Variants in GRID2 observed in about 807,000 individuals in gnomAD.
GRID2 encodes the protein glutamate receptor ionotropic, delta-2.
In GRID2, 33 loss-of-function variants were observed where a neutral mutation model predicts 114.8. That is an observed-to-expected ratio of 0.29 (90% CI 0.22 to 0.38). The LOEUF is 0.38. GRID2 is among the 10% of genes least tolerant of loss of function. The pLI, the probability that GRID2 is intolerant of heterozygous loss-of-function variation, is 1.00. For synonymous variants in GRID2, 505 were observed against 449.9 expected (o/e 1.12, Z -1.55); for missense variants, 1,184 against 1,257.7 (o/e 0.94, Z 0.89).
intron 13 of GRID2, among the ~76,000 whole-genome samples, chr4:93,517,977 ACATG>A (rs1373342697): frequency 5.1e-5 from 2 of 39,208 alleles, no homozygotes; most frequent in African/African-American, 2.8e-4. Context: ...ACATACATGT[ACATG>A]TATGTATATA....
At chr4:93,011,562 C>T (rs145519002) in intron 2 of GRID2, among the ~76,000 whole-genome samples, 1 of 152,094 alleles carries the variant, frequency 6.6e-6, no homozygotes, top group South Asian at 2.1e-4. Flanking sequence ...TATGAAAATA[C>T]TTACCATTTC....
chr4:92,648,252 T>A (rs919483390), intron 2 of GRID2, among the ~76,000 whole-genome samples: 1 of 149,834 alleles, frequency 6.7e-6, no homozygotes, highest in Non-Finnish European at 1.5e-5. Context: ...TTTGAATACA[T>A]TTAAATAAAT....
intron 3 of GRID2, among the ~76,000 whole-genome samples, chr4:93,086,656 C>T (rs1274872424): frequency 6.6e-6 from 1 of 151,964 alleles, no homozygotes; most frequent in South Asian, 2.1e-4. Context: ...GCTTAATTCA[C>T]GTTATTAAGG....
intron 1 of GRID2, among the ~76,000 whole-genome samples, chr4:92,578,716 T>TTATC (rs1196910296): frequency 1.8e-5 from 2 of 111,080 alleles, no homozygotes; most frequent in Non-Finnish European, 3.8e-5. Flanking sequence ...AAAAATATCA[T>TTATC]TATCTATCTA....
chr4:93,065,907 C>G (rs1342715166), intron 2 of GRID2, among the ~76,000 whole-genome samples: 1 of 151,862 alleles, frequency 6.6e-6, no homozygotes, highest in Non-Finnish European at 1.5e-5. Context: ...AAAACAATGG[C>G]TAACATTTAC....
At chr4:92,562,000 G>A (rs553017918) in intron 1 of GRID2, among the ~76,000 whole-genome samples, 4 of 152,216 alleles carry the variant, frequency 2.6e-5, no homozygotes, top group South Asian at 4.1e-4. Flanking sequence ...CTCTTTAATA[G>A]GCAAACTCAC....
At chr4:93,185,553 T>C (rs1740321351) in intron 4 of GRID2, among the ~76,000 whole-genome samples, 1 of 152,128 alleles carries the variant, frequency 6.6e-6, no homozygotes, top group South Asian at 2.1e-4. Context: ...AATATAAACA[T>C]GAAGTATGGT....
intron 2 of GRID2, among the ~76,000 whole-genome samples, chr4:93,006,599 A>T (rs1721554623): frequency 2.0e-5 from 3 of 151,976 alleles, no homozygotes; most frequent in African/African-American, 7.2e-5. Flanking sequence ...CCTACTGAAA[A>T]AAAAAAGAGA....
intron 8 of GRID2, among the ~76,000 whole-genome samples, chr4:93,292,028 G>A (rs1019270168): frequency 1.3e-5 from 2 of 152,168 alleles, no homozygotes; most frequent in African/African-American, 2.4e-5. Flanking sequence ...ATGGGGCCAA[G>A]AGAGCACCAT....
At chr4:93,236,735 CT>C (rs1407285944) in intron 7 of GRID2, among the ~76,000 whole-genome samples, 3 of 152,006 alleles carry the variant, frequency 2.0e-5, no homozygotes, top group African/African-American at 7.2e-5. Context: ...TAACTTTTTT[CT>C]CTTCAAGTAC....
rs532655133 is a variant in GRID2 at position 92,485,669 on chromosome 4, G to A, written c.89-104462G>A. Among the ~76,000 whole-genome samples, 416 of 151,762 alleles carry A rather than the reference G, an allele frequency of 2.7e-3. 2 individuals are homozygous for A. The highest frequency in any genetic ancestry group is 9.6e-3 in the African/African-American group (398 of 41,404). ...TGCACCACTGCACTCCAGCCTGGGC[G>A]ACAGAATGAGACTCTGCCTCAAAAA... On this transcript the variant is annotated intron_variant, in intron 1 of 15. Coordinates refer to ENST00000282020, the MANE Select transcript of GRID2 (RefSeq NM_001510.4).
intron 2 of GRID2, among the ~76,000 whole-genome samples, chr4:92,982,936 C>T (rs1480766184): frequency 2.0e-5 from 3 of 151,914 alleles, no homozygotes; most frequent in Non-Finnish European, 4.4e-5. Flanking sequence ...TTCTGAAGAC[C>T]TCCAAGTAGA....
intron 2 of GRID2, among the ~76,000 whole-genome samples, chr4:93,041,236 C>G (rs1228809824): frequency 6.6e-6 from 1 of 152,034 alleles, no homozygotes; most frequent in Non-Finnish European, 1.5e-5. Flanking sequence ...ATCAGGTGAA[C>G]TAAATTCTCA....
chr4:93,002,769 G>A (rs918295049), intron 2 of GRID2, among the ~76,000 whole-genome samples: 4 of 151,710 alleles, frequency 2.6e-5, no homozygotes, highest in Non-Finnish European at 4.4e-5. Flanking sequence ...CAGGCTCTGT[G>A]GCATAAAACA....
intron 8 of GRID2, among the ~76,000 whole-genome samples, chr4:93,332,289 T>TGAGAGAGAGA (rs1242670317): frequency 8.1e-5 from 9 of 110,768 alleles, no homozygotes; most frequent in African/African-American, 4.6e-4. Flanking sequence ...TGTGTGTGTG[T>TGAGAGAGAGA]GTGTGTGTGT....
At chr4:92,439,552 C>G (rs866476720) in intron 1 of GRID2, among the ~76,000 whole-genome samples, 221 of 151,292 alleles carry the variant, frequency 1.5e-3, no homozygotes, top group Non-Finnish European at 2.6e-3. Context: ...GCGTGGGAAC[C>G]TAGAGTGGGA....
chr4:93,377,846 G>A (rs1000082715), intron 8 of GRID2, among the ~76,000 whole-genome samples: 8 of 151,140 alleles, frequency 5.3e-5, no homozygotes, highest in African/African-American at 1.9e-4. Flanking sequence ...ATTTTAAAAA[G>A]CATTCTGGAA....
At chr4:93,280,641 A>G (rs944669637) in intron 8 of GRID2, among the ~76,000 whole-genome samples, 3 of 151,810 alleles carry the variant, frequency 2.0e-5, no homozygotes, top group Non-Finnish European at 4.4e-5. Flanking sequence ...GGTGATTTCT[A>G]TTTTATGGCT....
At chr4:93,551,545 G>A (rs1733753229) in intron 13 of GRID2, among the ~76,000 whole-genome samples, 1 of 152,184 alleles carries the variant, frequency 6.6e-6, no homozygotes, top group South Asian at 2.1e-4. Context: ...GAATCAGAAA[G>A]TTAGCAGGGG....
Sources: gnomAD v4.1 joint callset for allele counts (sites outside exome capture counted in the v4.1 genomes callset) on GRCh38, gnomAD v4.1.1 for gene constraint, MANE v1.5 for transcripts, NCBI Gene and HGNC (gene_info 2026-07-23, HGNC 2026-07-21) for gene names.